Variants in TINAG observed in about 807,000 individuals in gnomAD.
TINAG encodes tubulointerstitial nephritis antigen.
TINAG carries 83 observed loss-of-function variants against 72.7 expected under a neutral mutation model. The ratio of observed to expected loss-of-function variants is 1.14; its 90% CI spans 0.96 to 1.37. The LOEUF (loss-of-function observed/expected upper bound fraction) is 1.37. Among genes scored for constraint, TINAG ranks in the 40% most tolerant of loss-of-function variants. The pLI is 0.00. For synonymous variants in TINAG, 234 were observed against 189.9 expected, an observed-to-expected ratio of 1.23 and a Z score of -1.91; for missense variants, 685 against 576.6, an observed-to-expected ratio of 1.19 and a Z score of -1.93.
At chr6:54,326,623 T>C (rs1408815727) in intron 3 of TINAG, among the ~76,000 whole-genome samples, 179 bp from the exon 4 acceptor site, 1 of 152,146 alleles carries the variant, frequency 6.6e-6, no homozygotes, top group African/African-American at 2.4e-5. Context: ...CTCATACCCT[T>C]GATTATAAAA....
At chr6:54,347,610 G>T in intron 6 of TINAG, 93 bp downstream of exon 6, 2 of 1,356,260 alleles carry the variant, frequency 1.5e-6, no homozygotes, top group Non-Finnish European at 2.0e-6. Flanking sequence ...TTACAAAAAA[G>T]TACTTAAAAA....
In TINAG at chr6:54,389,774, T is replaced by C. The variant is rs370336597; in HGVS notation, c.1297-17T>C. 6 of 1,563,670 alleles carry C rather than the reference T, an allele frequency of 3.8e-6. No individual in the cohort carries two copies. The African/African-American group carries it at 8.4e-5, about 22-fold the overall frequency. ...AAGTATGTTTCTCAACTTTTTTGTT[T>C]GTTTGTTTTTCTGCAGATTGCTGCC... On this transcript the variant is annotated splice_polypyrimidine_tract_variant and intron_variant, in intron 10 of 10. Transcript: ENST00000259782.
At chr6:54,380,457 CTGCATTCTCTCAAGA>C in intron 9 of TINAG, 54 bp from the exon 10 acceptor site, 2 of 1,308,552 alleles carry the variant, frequency 1.5e-6, no homozygotes, top group African/African-American at 1.5e-5. Context: ...TGACAATAAT[CTGCATTCTCTCAAGA>C]AGCAAACCAA....
At chr6:54,357,507 A>G (rs1489743233) in intron 9 of TINAG, among the ~76,000 whole-genome samples, 1 of 151,888 alleles carries the variant, frequency 6.6e-6, no homozygotes, top group Non-Finnish European at 1.5e-5. Context: ...AGAACTCCTG[A>G]TCTTCTCCCT....
intron 10 of TINAG, among the ~76,000 whole-genome samples, chr6:54,384,408 A>G (rs1764036817): frequency 6.6e-6 from 1 of 152,134 alleles, no homozygotes; most frequent in Non-Finnish European, 1.5e-5. Flanking sequence ...TCACACTCAA[A>G]CTTTTCACGA....
chr6:54,380,645 C>A, intron 10 of TINAG, 74 bp downstream of exon 10: 1 of 1,248,496 alleles, frequency 8.0e-7, no homozygotes. Context: ...CTGCTACCTG[C>A]TTTGTATTAT....
At chr6:54,381,360 T>C in intron 10 of TINAG, among the ~76,000 whole-genome samples, 1 of 10,106 alleles carries the variant, frequency 9.9e-5, no homozygotes, top group African/African-American at 1.4e-3. Flanking sequence ...ATTATATACT[T>C]TTTTTATACA....
At chr6:54,378,594 A>G (rs1763854417) in intron 9 of TINAG, among the ~76,000 whole-genome samples, 1 of 152,222 alleles carries the variant, frequency 6.6e-6, no homozygotes, top group East Asian at 1.9e-4. Flanking sequence ...GAACAAAAGT[A>G]AAAGTAATAG....
chr6:54,362,699 T>G (rs892292240), intron 9 of TINAG, among the ~76,000 whole-genome samples: 1 of 151,570 alleles, frequency 6.6e-6, no homozygotes, highest in Non-Finnish European at 1.5e-5. Context: ...ATTTCTCTGA[T>G]GGATCTTGGC....
intron 3 of TINAG, among the ~76,000 whole-genome samples, chr6:54,321,777 C>A (rs971330674): frequency 6.6e-6 from 1 of 152,126 alleles, no homozygotes; most frequent in Admixed American, 6.6e-5. Flanking sequence ...TGGGTAGAAT[C>A]TGACCTTACA....
At chr6:54,383,090 T>C (rs558100130) in intron 10 of TINAG, among the ~76,000 whole-genome samples, 5 of 152,252 alleles carry the variant, frequency 3.3e-5, no homozygotes, top group African/African-American at 1.2e-4. Context: ...TCTTTGAGCC[T>C]CTAGAGGAGA....
At chr6:54,312,057 G>GT (rs1055750685) in intron 1 of TINAG, among the ~76,000 whole-genome samples, 8 of 150,622 alleles carry the variant, frequency 5.3e-5, no homozygotes, top group East Asian at 1.9e-4. Context: ...TTTTTTGTTT[G>GT]TTTTTTGTTT....
chr6:54,363,346 C>A (rs925737719), intron 9 of TINAG, among the ~76,000 whole-genome samples: 4 of 151,340 alleles, frequency 2.6e-5, no homozygotes, highest in African/African-American at 9.7e-5. Context: ...GATATAGAGG[C>A]AAATTTCTGT....
intron 9 of TINAG, among the ~76,000 whole-genome samples, chr6:54,359,163 C>A (rs375554831): frequency 5.3e-5 from 8 of 151,792 alleles, no homozygotes; most frequent in East Asian, 3.9e-4. Context: ...CTTTTCCATT[C>A]TTTTTCTGGG....
chr6:54,354,783 C>T, intron 9 of TINAG, 147 bp downstream of exon 9: 2 of 945,372 alleles, frequency 2.1e-6, no homozygotes, highest in South Asian at 1.7e-5. Context: ...ACTATTTAGT[C>T]ATTATTTTAA....
At chr6:54,387,199 A>C (rs1304755859) in intron 10 of TINAG, among the ~76,000 whole-genome samples, 1 of 152,224 alleles carries the variant, frequency 6.6e-6, no homozygotes, top group Non-Finnish European at 1.5e-5. Context: ...AATTAAGACC[A>C]CAATGAAATA....
intron 4 of TINAG, among the ~76,000 whole-genome samples, chr6:54,338,487 C>G (rs111897139): frequency 1.3e-5 from 2 of 151,640 alleles, no homozygotes; most frequent in African/African-American, 4.8e-5. Context: ...TTTGGGAGGC[C>G]GAGGTGGGCG....
At chr6:54,325,893 G>A (rs1006489538) in intron 3 of TINAG, among the ~76,000 whole-genome samples, 1 of 151,968 alleles carries the variant, frequency 6.6e-6, no homozygotes, top group African/African-American at 2.4e-5. Context: ...AACTTGTGAG[G>A]TATATTATTA....
chr6:54,364,505 T>C (rs1025450301), intron 9 of TINAG, among the ~76,000 whole-genome samples: 97 of 151,620 alleles, frequency 6.4e-4, no homozygotes, highest in African/African-American at 2.2e-3. Context: ...AATTCAAATA[T>C]ATTAATAGAA....
Sources: allele counts gnomAD v4.1 joint callset (sites outside exome capture counted in the v4.1 genomes callset), GRCh38; gene constraint gnomAD v4.1.1; transcripts MANE v1.5; gene names NCBI Gene and HGNC (gene_info 2026-07-23, HGNC 2026-07-21).